TUBGCP3: variants seen among roughly 807,000 people sequenced by gnomAD.
TUBGCP3 encodes gamma-tubulin complex component 3.
Under a neutral mutation model 123.1 loss-of-function variants are expected in TUBGCP3, and 50 were observed. That is an observed-to-expected ratio of 0.41 (90% CI 0.32 to 0.51). The LOEUF (loss-of-function observed/expected upper bound fraction) is 0.51. Among genes scored for constraint, TUBGCP3 ranks in the 20% least tolerant of loss-of-function variants. TUBGCP3 has a pLI of 0.36. For synonymous variants in TUBGCP3, 405 were observed against 413.9 expected (o/e 0.98, Z 0.26); for missense variants, 882 against 1,127.0 (o/e 0.78, Z 3.11).
the TUBGCP3 span, among the ~76,000 whole-genome samples, chr13:112,595,949 T>G: frequency 6.6e-6 from 1 of 152,248 alleles, no homozygotes; most frequent in Admixed American, 6.5e-5. Context: ...TCCATAATGT[T>G]TCCCAGTGCA....
At chr13:112,562,625 C>T (rs148383380) in intron 3 of TUBGCP3, among the ~76,000 whole-genome samples, 53 of 152,268 alleles carry the variant, frequency 3.5e-4, no homozygotes, top group African/African-American at 1.3e-3. Flanking sequence ...ACAGAGTGGG[C>T]AGGAGTGGGT....
chr13:112,533,799 CTTT>C (rs56710076), intron 11 of TUBGCP3, among the ~76,000 whole-genome samples: 2 of 118,974 alleles, frequency 1.7e-5, no homozygotes, highest in Non-Finnish European at 1.8e-5. Context: ...AAGAGAATTT[CTTT>C]TTTTTTTTTT....
At position 112,539,727 on chromosome 13, in the gene TUBGCP3, G is replaced by A. The variant is rs7317916; in HGVS notation, c.1335+5972C>T. ...CATGACATCATTGTAGTAGCCTATC[G>A]GCATTTGGGTGGTCTTGGGAAAGGA... On this transcript the variant is annotated intron_variant, in intron 11 of 21. Transcript: ENST00000261965. Among the ~76,000 whole-genome samples, 718 of 152,206 alleles carry A rather than the reference G, an allele frequency of 4.7e-3. 2 individuals are homozygous for A. The highest frequency in any genetic ancestry group is 7.2e-3 in the Non-Finnish European group (489 of 67,992).
intron 14 of TUBGCP3, among the ~76,000 whole-genome samples, chr13:112,521,491 C>T (rs1876619483): frequency 6.6e-6 from 1 of 152,218 alleles, no homozygotes; most frequent in African/African-American, 2.4e-5. Flanking sequence ...CTCTACCCCA[C>T]ACCTGAGAAT....
chr13:112,498,777 C>A, intron 20 of TUBGCP3: 1 of 1,543,100 alleles, frequency 6.5e-7, no homozygotes, highest in South Asian at 1.2e-5. Flanking sequence ...TTGTGGCACT[C>A]AGTAATGAAA....
rs532080216 is a variant in TUBGCP3, at chr13:112,529,245, A to AT, written c.1336-1762dup. Among the ~76,000 whole-genome samples the AT allele has an allele frequency of 7.9e-5, 12 of 152,140 alleles. No individual in the cohort carries two copies. In the East Asian group the frequency reaches 1.4e-3, roughly 17 times the overall value. On this transcript the variant is annotated intron_variant, in intron 11 of 21. Transcript: ENST00000261965. ...AAGTCTACGTCTTCTCCTGGATGGC[A>AT]TTTTTTTCTTTACTGGCCGAGCCGG...
In TUBGCP3 at chr13:112,588,023, C is replaced by A. The variant is rs772399498; in HGVS notation, c.-43G>T. On this transcript the variant is annotated 5_prime_UTR_variant, in exon 1 of 22. Coordinates refer to ENST00000261965, the MANE Select transcript of TUBGCP3 (RefSeq NM_006322.6). The stretch of plus-strand genomic sequence containing the variant: ...CACGGTGGTCCGGGCAGAGCCGCCA[C>A]TGCCGCCGCACGCGCAGGGACCGCG... 2 of 1,400,346 alleles carry A rather than the reference C, an allele frequency of 1.4e-6. No homozygotes were observed. The highest frequency in any genetic ancestry group is 9.4e-7 in the Non-Finnish European group (1 of 1,065,312). 86.7% of individuals were successfully genotyped at this position (1,400,346 alleles called of 1,614,324 possible). A position where few individuals can be genotyped will look rare whatever the true frequency, so the allele number is the denominator to read the frequency against.
At chr13:112,486,919 G>C (rs1209394575) in intron 21 of TUBGCP3, among the ~76,000 whole-genome samples, 1 of 152,212 alleles carries the variant, frequency 6.6e-6, no homozygotes, top group Non-Finnish European at 1.5e-5. Flanking sequence ...CCCCGCCCAA[G>C]TCTTCACCAG....
At chr13:112,522,564 G>C (rs186019180) in intron 13 of TUBGCP3, 55 bp from the exon 14 acceptor site, 2 of 1,540,644 alleles carry the variant, frequency 1.3e-6, no homozygotes, top group Admixed American at 1.7e-5. Context: ...TATTTCCACA[G>C]AGGAGAAATG....
chr13:112,539,389 A>T (rs1878318076), intron 11 of TUBGCP3, among the ~76,000 whole-genome samples: 1 of 152,208 alleles, frequency 6.6e-6, no homozygotes, highest in African/African-American at 2.4e-5. Context: ...CAATGAGATA[A>T]ACCGGTAGGT....
chr13:112,538,666 T>C (rs1007681752), intron 11 of TUBGCP3, among the ~76,000 whole-genome samples: 2 of 152,228 alleles, frequency 1.3e-5, no homozygotes, highest in African/African-American at 2.4e-5. Flanking sequence ...TCTTTATTGA[T>C]ATTTTGCACT....
At position 112,556,350 on chromosome 13, in the gene TUBGCP3, C is replaced by A. The variant is rs1039785211; in HGVS notation, c.549-126G>T. On this transcript the variant is annotated intron_variant, in intron 5 of 21. Transcript: ENST00000261965. ...ATTTATAAATCTGGTATAGCTGATACCATGACTTTACCCTAACCGAATATA... is the reference window on the plus strand; with the variant it reads ...ATTTATAAATCTGGTATAGCTGATAACATGACTTTACCCTAACCGAATATA... 8 of 938,154 alleles carry A rather than the reference C, an allele frequency of 8.5e-6. No homozygotes were observed. The Admixed American group carries it at 2.1e-4, about 24-fold the overall frequency. 58.1% of individuals were successfully genotyped at this position (938,154 alleles called of 1,614,324 possible). A position where few individuals can be genotyped will look rare whatever the true frequency, so the allele number is the denominator to read the frequency against.
chr13:112,503,180 C>T (rs1486694484), intron 19 of TUBGCP3, among the ~76,000 whole-genome samples: 1 of 152,120 alleles, frequency 6.6e-6, no homozygotes, highest in Non-Finnish European at 1.5e-5. Context: ...GAAATTTGCC[C>T]CCTACTTCAC....
chr13:112,502,052 A>G (rs561653897), intron 19 of TUBGCP3, among the ~76,000 whole-genome samples: 1 of 152,308 alleles, frequency 6.6e-6, no homozygotes, highest in Admixed American at 6.5e-5. Flanking sequence ...AGTAGTTCAA[A>G]CATTTTCTGA....
In TUBGCP3 at chr13:112,521,848, A is replaced by T. The variant is rs982944429; in HGVS notation, c.1745+472T>A. ...GGCTCTGGTCCAGAACTTGTGGAGA[A>T]GGACATACATTTAACTCTGGAAGGG... is the stretch of plus-strand genomic sequence containing the variant. On this transcript the variant is annotated intron_variant, in intron 14 of 21. Coordinates refer to ENST00000261965, the MANE Select transcript of TUBGCP3 (RefSeq NM_006322.6). 7.1e-6 allele frequency: 7 copies of T among 985,454 alleles called. No individual in the cohort carries two copies. The African/African-American group carries it at 1.2e-4, about 17-fold the overall frequency. The allele number at this position is 985,454 out of a possible 1,614,324, so 61.0% of individuals were successfully genotyped here. A position where few individuals can be genotyped will look rare whatever the true frequency, so the allele number is the denominator to read the frequency against.
chr13:112,549,632 T>G (rs1429395062), intron 8 of TUBGCP3, among the ~76,000 whole-genome samples: 1 of 152,180 alleles, frequency 6.6e-6, no homozygotes. Flanking sequence ...TTGTTCTGTT[T>G]GCACTGCTTG....
At chr13:112,494,657 T>C (rs1252357735) in intron 20 of TUBGCP3, among the ~76,000 whole-genome samples, 8 of 152,214 alleles carry the variant, frequency 5.3e-5, no homozygotes, top group Admixed American at 5.2e-4. Flanking sequence ...CTTATATCCA[T>C]GGTGGCTGGA....
the TUBGCP3 span, among the ~76,000 whole-genome samples, chr13:112,601,709 T>G: frequency 6.6e-6 from 1 of 152,200 alleles, no homozygotes; most frequent in Non-Finnish European, 1.5e-5. Context: ...TCCCCCCTTT[T>G]CAGGCCTATA....
intron 8 of TUBGCP3, among the ~76,000 whole-genome samples, chr13:112,548,379 C>G (rs1361041794): frequency 6.6e-6 from 1 of 152,008 alleles, no homozygotes; most frequent in Non-Finnish European, 1.5e-5. Flanking sequence ...TTCCTTAGTA[C>G]AAAAAGCATG....
Sources: gnomAD v4.1 joint callset for allele counts (sites outside exome capture counted in the v4.1 genomes callset) on GRCh38, gnomAD v4.1.1 for gene constraint, MANE v1.5 for transcripts, NCBI Gene and HGNC (gene_info 2026-07-23, HGNC 2026-07-21) for gene names.